Variants in CNTNAP2 observed in about 807,000 individuals in gnomAD.
The protein encoded by CNTNAP2 is contactin-associated protein-like 2.
A neutral mutation model predicts 155.2 loss-of-function variants in CNTNAP2; 98 were observed. The ratio of observed to expected loss-of-function variants is 0.63; its 90% CI spans 0.54 to 0.75. The LOEUF (loss-of-function observed/expected upper bound fraction) is 0.75. CNTNAP2 is among the 30% of genes least tolerant of loss of function. The pLI, the probability that CNTNAP2 is intolerant of heterozygous loss-of-function variation, is 0.00. For synonymous variants in CNTNAP2, 651 were observed against 631.2 expected, an observed-to-expected ratio of 1.03 and a Z score of -0.47; for missense variants, 1,727 against 1,688.1, an observed-to-expected ratio of 1.02 and a Z score of -0.40.
intron 8 of CNTNAP2, among the ~76,000 whole-genome samples, chr7:147,157,627 C>G (rs533972203): frequency 6.6e-6 from 1 of 152,034 alleles, no homozygotes. Flanking sequence ...TTCTGTGTTT[C>G]CTTTTTAACT....
At chr7:146,382,335 A>G (rs956125206) in intron 1 of CNTNAP2, among the ~76,000 whole-genome samples, 7 of 152,190 alleles carry the variant, frequency 4.6e-5, no homozygotes, top group African/African-American at 1.7e-4. Flanking sequence ...TGAAGAGATG[A>G]AAGGAATAAA....
At chr7:147,427,159 T>G (rs1489774658) in intron 10 of CNTNAP2, among the ~76,000 whole-genome samples, 1 of 152,066 alleles carries the variant, frequency 6.6e-6, no homozygotes. Flanking sequence ...AAGGATGGCC[T>G]GGAGAAAGAG....
chr7:147,894,827 A>C (rs975729091), intron 13 of CNTNAP2, among the ~76,000 whole-genome samples: 1 of 151,976 alleles, frequency 6.6e-6, no homozygotes, highest in Non-Finnish European at 1.5e-5. Flanking sequence ...TTTGAAAATC[A>C]CAGGTATGCA....
intron 1 of CNTNAP2, among the ~76,000 whole-genome samples, chr7:146,238,945 C>A (rs895970977): frequency 1.3e-5 from 2 of 152,174 alleles, no homozygotes; most frequent in African/African-American, 4.8e-5. Flanking sequence ...TCAATTACCT[C>A]CACCTGGTCT....
At chr7:148,150,235 A>AC (rs1206616174) in intron 17 of CNTNAP2, among the ~76,000 whole-genome samples, 1 of 151,842 alleles carries the variant, frequency 6.6e-6, no homozygotes, top group African/African-American at 2.4e-5. Context: ...ACATAGTGAA[A>AC]CCCTGTCTCT....
Position 148,165,606 on chromosome 7 carries a change from G to A in CNTNAP2, c.2774-6636G>A, listed in dbSNP as rs1456974424. ...TTATCTGTTATTAACACACTCCTAC[G>A]CGGTGCATATTGTTATGCCAATGCC... On this transcript the variant is annotated intron_variant, in intron 17 of 23. Coordinates refer to ENST00000361727, the MANE Select transcript of CNTNAP2 (RefSeq NM_014141.6). Among the ~76,000 whole-genome samples the A allele has an allele frequency of 5.9e-5, 9 of 152,180 alleles. 1 individual carries two copies. The highest frequency in any genetic ancestry group is 4.1e-4 in the South Asian group (2 of 4,820).
intron 3 of CNTNAP2, among the ~76,000 whole-genome samples, chr7:146,923,677 T>A (rs1796549801): frequency 6.6e-6 from 1 of 152,182 alleles, no homozygotes; most frequent in Non-Finnish European, 1.5e-5. Context: ...TGTCCGCTAC[T>A]CCTGGTGGAT....
At position 147,929,993 on chromosome 7, in the gene CNTNAP2, C is replaced by T. The variant is rs1800467829; in HGVS notation, c.2255+26272C>T. Among the ~76,000 whole-genome samples the T allele has an allele frequency of 2.0e-5, 3 of 152,188 alleles. No homozygotes were observed. In the East Asian group the frequency reaches 5.8e-4, roughly 29 times the overall value. ...ATGCCGTCACTGATCTGACAAGAGG[C>T]GGAGCTCAGGCGGGAATGCTCACTC... On this transcript the variant is annotated intron_variant, in intron 14 of 23. Coordinates refer to ENST00000361727, the MANE Select transcript of CNTNAP2 (RefSeq NM_014141.6).
chr7:147,106,677 C>T (rs1371617637), intron 4 of CNTNAP2, among the ~76,000 whole-genome samples: 2 of 152,072 alleles, frequency 1.3e-5, no homozygotes, highest in Admixed American at 1.3e-4. Flanking sequence ...TATGTGAAAG[C>T]CATCAATGAT....
intron 12 of CNTNAP2, among the ~76,000 whole-genome samples, chr7:147,567,014 A>T (rs1800188015): frequency 6.6e-6 from 1 of 152,162 alleles, no homozygotes; most frequent in Admixed American, 6.5e-5. Flanking sequence ...ATGCACACAT[A>T]TACAGTGGAT....
intron 14 of CNTNAP2, among the ~76,000 whole-genome samples, chr7:147,933,591 G>A (rs1027558536): frequency 2.6e-5 from 4 of 152,136 alleles, no homozygotes; most frequent in East Asian, 1.9e-4. Context: ...CTGGCTGGGC[G>A]TGGTGGCTCA....
intron 15 of CNTNAP2, among the ~76,000 whole-genome samples, chr7:148,070,923 A>G (rs1202776462): frequency 6.6e-6 from 1 of 152,022 alleles, no homozygotes; most frequent in Admixed American, 6.6e-5. Flanking sequence ...ACCCCCTCAT[A>G]CCTCCAATGT....
chr7:146,552,685 G>A (rs1465554053), intron 1 of CNTNAP2, among the ~76,000 whole-genome samples: 1 of 151,912 alleles, frequency 6.6e-6, no homozygotes, highest in Non-Finnish European at 1.5e-5. Context: ...TGTAATGTAT[G>A]AGACCCCTCT....
intron 21 of CNTNAP2, among the ~76,000 whole-genome samples, chr7:148,380,219 A>G (rs1257629266): frequency 6.6e-6 from 1 of 152,366 alleles, no homozygotes; most frequent in Admixed American, 6.5e-5. Flanking sequence ...TTCTTACAGT[A>G]AATGATATTT....
intron 13 of CNTNAP2, among the ~76,000 whole-genome samples, chr7:147,744,517 G>A (rs947997855): frequency 6.6e-6 from 1 of 152,208 alleles, no homozygotes; most frequent in Non-Finnish European, 1.5e-5. Flanking sequence ...CAGGACGTCA[G>A]AGGACAAGTT....
chr7:147,479,831 C>T (rs1798390205), intron 10 of CNTNAP2, among the ~76,000 whole-genome samples: 1 of 151,556 alleles, frequency 6.6e-6, no homozygotes, highest in Non-Finnish European at 1.5e-5. Flanking sequence ...GAAGGAGCTC[C>T]ATCAATATTA....
chr7:146,333,664 T>C (rs1334489040), intron 1 of CNTNAP2, among the ~76,000 whole-genome samples: 2 of 152,180 alleles, frequency 1.3e-5, no homozygotes, highest in South Asian at 2.1e-4. Context: ...GCAACAAGTG[T>C]TAAAAAATAA....
At chr7:146,133,566 A>G (rs1274145600) in intron 1 of CNTNAP2, among the ~76,000 whole-genome samples, 1 of 152,168 alleles carries the variant, frequency 6.6e-6, no homozygotes, top group Non-Finnish European at 1.5e-5. Flanking sequence ...TTAAGTCTTG[A>G]ATCCATCTTG....
At chr7:146,311,996 T>C (rs1469050517) in intron 1 of CNTNAP2, among the ~76,000 whole-genome samples, 2 of 152,162 alleles carry the variant, frequency 1.3e-5, no homozygotes, top group Non-Finnish European at 2.9e-5. Flanking sequence ...TAGTATTATC[T>C]GCTTTAAGTT....
Sources: gnomAD v4.1 joint callset for allele counts (sites outside exome capture counted in the v4.1 genomes callset) on GRCh38, gnomAD v4.1.1 for gene constraint, MANE v1.5 for transcripts, NCBI Gene and HGNC (gene_info 2026-07-23, HGNC 2026-07-21) for gene names.